LIPH: variants seen among roughly 807,000 people sequenced by gnomAD.
LIPH encodes lipase member H.
Under a neutral mutation model 47.6 loss-of-function variants are expected in LIPH, and 32 were observed. That is an observed-to-expected ratio of 0.67 (90% CI 0.51 to 0.90). The LOEUF is 0.90. LIPH is among the 40% of genes least tolerant of loss of function. LIPH has a pLI of 0.00. For synonymous variants in LIPH, 190 were observed against 195.6 expected (o/e 0.97, Z 0.24); for missense variants, 497 against 541.4 (o/e 0.92, Z 0.81).
chr3:185,526,292 G>A (rs1007351819), intron 4 of LIPH, among the ~76,000 whole-genome samples: 3 of 152,062 alleles, frequency 2.0e-5, no homozygotes, highest in South Asian at 4.1e-4. Flanking sequence ...AGGCAAAGGC[G>A]GGTGGATCAC....
At chr3:185,514,305 A>T in intron 8 of LIPH, 105 bp downstream of exon 8, 1 of 727,336 alleles carries the variant, frequency 1.4e-6, no homozygotes, top group Non-Finnish European at 2.5e-6. Flanking sequence ...TTATAGAACA[A>T]GGAAAAGCAT....
chr3:185,531,926 A>C (rs1284625785), intron 3 of LIPH, among the ~76,000 whole-genome samples: 1 of 152,036 alleles, frequency 6.6e-6, no homozygotes, highest in Non-Finnish European at 1.5e-5. Flanking sequence ...TGCATCCTCA[A>C]GCTCCTAGAC....
intron 8 of LIPH, among the ~76,000 whole-genome samples, chr3:185,513,867 C>T (rs569678117): frequency 3.3e-5 from 5 of 152,132 alleles, no homozygotes; most frequent in African/African-American, 7.2e-5. Context: ...GGTGAAACCC[C>T]GTCTCTACTA....
chr3:185,551,680 T>G (rs781614725), intron 1 of LIPH, among the ~76,000 whole-genome samples: 7 of 152,166 alleles, frequency 4.6e-5, no homozygotes, highest in Non-Finnish European at 1.5e-5. Context: ...TTAAAGTATA[T>G]GAACATTTTT....
chr3:185,529,008 CAA>C (rs11457671), intron 3 of LIPH, among the ~76,000 whole-genome samples: 1,684 of 111,618 alleles, frequency 0.015, 46 homozygotes, highest in African/African-American at 0.052. Context: ...TTAAAAATAC[CAA>C]AAAAAAAAAA....
In LIPH at chr3:185,508,428, T is replaced by A. The variant is rs1294216958; in HGVS notation, c.*362A>T. ...GCAGAGTTGAGTCCACGGTGAGGCC[T>A]CCAGTCCGTCCTTCCCTTGAAGATG... On this transcript the variant is annotated 3_prime_UTR_variant, in exon 10 of 10. Transcript: ENST00000296252. 3.4e-6 allele frequency: 1 copy of A among 296,008 alleles called. No individual in the cohort carries two copies. The highest frequency in any genetic ancestry group is 2.1e-5 in the African/African-American group (1 of 46,542). 18.3% of individuals were successfully genotyped at this position (296,008 alleles called of 1,614,324 possible).
At chr3:185,532,440 G>A (rs917818207) in intron 3 of LIPH, among the ~76,000 whole-genome samples, 1 of 151,942 alleles carries the variant, frequency 6.6e-6, no homozygotes, top group Non-Finnish European at 1.5e-5. Context: ...TGCCTGGGGG[G>A]GCGTTGAGGC....
At position 185,533,497 on chromosome 3, in the gene LIPH, A is replaced by G. The variant is rs987160911; in HGVS notation, c.526+74T>C. 1.3e-5 allele frequency: 12 copies of G among 949,116 alleles called. No individual in the cohort carries two copies. The African/African-American group carries it at 1.8e-4, about 14-fold the overall frequency. 58.8% of individuals were successfully genotyped at this position (949,116 alleles called of 1,614,324 possible). A position where few individuals can be genotyped will look rare whatever the true frequency, so the allele number is the denominator to read the frequency against. On this transcript the variant is annotated intron_variant, in intron 3 of 9. Transcript: ENST00000296252. ...GCTGGCTTTGAACCCAAGGAGTTGG[A>G]TTGGCCTACATAATACTCCCCCAGT...
At chr3:185,512,739 T>C (rs1326768617) in intron 8 of LIPH, among the ~76,000 whole-genome samples, 1 of 151,808 alleles carries the variant, frequency 6.6e-6, no homozygotes, top group East Asian at 1.9e-4. Flanking sequence ...TCCGCCTGCC[T>C]CGGCCTCCCA....
At chr3:185,515,300 G>GT (rs35978978) in intron 7 of LIPH, among the ~76,000 whole-genome samples, 8,561 of 150,740 alleles carry the variant, frequency 0.057, 355 homozygotes, top group African/African-American at 0.11. Flanking sequence ...TGTCTTATGG[G>GT]TTTTTTTAAA....
chr3:185,513,276 C>T (rs575196106), intron 8 of LIPH, among the ~76,000 whole-genome samples: 125 of 150,002 alleles, frequency 8.3e-4, no homozygotes, highest in Non-Finnish European at 1.2e-3. Context: ...GGAGGTGGAG[C>T]TTGCAGTGAG....
At chr3:185,529,418 C>CT (rs550163991) in intron 3 of LIPH, among the ~76,000 whole-genome samples, 44,573 of 134,962 alleles carry the variant, frequency 0.33, 7,575 homozygotes, top group Middle Eastern at 0.4. Context: ...TTTTCTTTTT[C>CT]TTTTTTTTTT....
intron 1 of LIPH, among the ~76,000 whole-genome samples, chr3:185,549,609 G>A (rs1170467128): frequency 6.6e-6 from 1 of 152,144 alleles, no homozygotes; most frequent in African/African-American, 2.4e-5. Flanking sequence ...ACCTGCAGCT[G>A]AAAAACCCTG....
At position 185,533,551 on chromosome 3, in the gene LIPH, G is replaced by A. The variant is rs774358546; in HGVS notation, c.526+20C>T. On this transcript the variant is annotated intron_variant, in intron 3 of 9. Transcript: ENST00000296252. ...CACCCTGCCCAGGCTACCAACCCATGCCCATTCACAGGCACTTACCTGTAA... is the reference window on the plus strand; with the variant it reads ...CACCCTGCCCAGGCTACCAACCCATACCCATTCACAGGCACTTACCTGTAA... The A allele has an allele frequency of 3.3e-6, 5 of 1,516,518 alleles. No individual in the cohort carries two copies. Among genetic ancestry groups the A allele is most frequent in the Admixed American group, 3.3e-5 (2 of 59,906 alleles). The allele number at this position is 1,516,518 out of a possible 1,614,324, so 93.9% of individuals were successfully genotyped here.
Position 185,507,696 on chromosome 3 carries a change from C to T in LIPH, c.*1094G>A, listed in dbSNP as rs988508443. Reference sequence around the variant, plus strand: ...GTCTTCAGATTCTCCAAAAGCAAACCGGTTCATGTTTTGAATTCACGTGTT... The same window carrying T: ...GTCTTCAGATTCTCCAAAAGCAAACTGGTTCATGTTTTGAATTCACGTGTT... On this transcript the variant is annotated 3_prime_UTR_variant, in exon 10 of 10. Transcript: ENST00000296252. The T allele has an allele frequency of 1.3e-5, 2 of 152,158 alleles. No homozygotes were observed. Among genetic ancestry groups the T allele is most frequent in the African/African-American group, 2.4e-5 (1 of 41,444 alleles). 9.4% of individuals were successfully genotyped at this position (152,158 alleles called of 1,614,324 possible).
At chr3:185,523,252 A>G (rs1719961335) in intron 5 of LIPH, among the ~76,000 whole-genome samples, 1 of 152,224 alleles carries the variant, frequency 6.6e-6, no homozygotes, top group East Asian at 1.9e-4. Context: ...GAAATAATTC[A>G]TAATAGCTTT....
intron 4 of LIPH, among the ~76,000 whole-genome samples, chr3:185,524,819 A>G (rs537779860): frequency 2.6e-5 from 4 of 152,286 alleles, no homozygotes; most frequent in East Asian, 3.9e-4. Context: ...TTGCATTTGT[A>G]TAACTAATAA....
At chr3:185,538,399 GAGAT>G (rs1330507147) in intron 1 of LIPH, among the ~76,000 whole-genome samples, 1 of 152,138 alleles carries the variant, frequency 6.6e-6, no homozygotes, top group Non-Finnish European at 1.5e-5. Context: ...TCATATAAAA[GAGAT>G]AGAGTGTAAG....
intron 1 of LIPH, among the ~76,000 whole-genome samples, chr3:185,541,763 T>TTA (rs1286161013): frequency 2.7e-4 from 16 of 58,438 alleles, no homozygotes; most frequent in East Asian, 1.6e-3. Context: ...TTTATTATTA[T>TTA]TTTTTTTTTT....
Sources: gnomAD v4.1 joint callset for allele counts (sites outside exome capture counted in the v4.1 genomes callset) on GRCh38, gnomAD v4.1.1 for gene constraint, MANE v1.5 for transcripts, NCBI Gene and HGNC (gene_info 2026-07-23, HGNC 2026-07-21) for gene names.